The following SLC2A14 variants were observed in gnomAD, a reference collection of about 807,000 sequenced individuals.
The protein encoded by SLC2A14 is solute carrier family 2 member 14, also known as solute carrier family 2, facilitated glucose transporter member 14.
In SLC2A14, 13 loss-of-function variants were observed where a neutral mutation model predicts 43.0. That is an observed-to-expected ratio of 0.30 (90% CI 0.20 to 0.48). SLC2A14 has a LOEUF of 0.48. Ranked by LOEUF, SLC2A14 falls within the 20% of genes least tolerant of loss-of-function variation. The pLI is 0.99. For missense variants in SLC2A14, 428 were observed against 620.4 expected (o/e 0.69, Z 3.29); for synonymous variants, 190 against 233.8 (o/e 0.81, Z 1.71).
At chr12:7,847,111 G>C (rs1866535276) in intron 2 of SLC2A14, among the ~76,000 whole-genome samples, 2 of 151,842 alleles carry the variant, frequency 1.3e-5, no homozygotes, top group Non-Finnish European at 2.9e-5. Context: ...AATTAACCAA[G>C]TGTGGTGGTG....
At position 7,826,861 on chromosome 12, in the gene SLC2A14, T is replaced by TTTTCTTTCTTTC. The variant is rs71038779; in HGVS notation, c.864+622_864+633dup. Among the ~76,000 whole-genome samples the TTTTCTTTCTTTC allele has an allele frequency of 7.0e-3, 423 of 60,302 alleles. 10 individuals are homozygous for TTTTCTTTCTTTC. The highest frequency in any genetic ancestry group is 0.026 in the East Asian group (57 of 2,168). The allele number at this position is 60,302 out of a possible 152,430, so 39.6% of individuals were successfully genotyped here. ...TCCTTCCTTCCTTCCTTCCTTTCTT[T>TTTTCTTTCTTTC]TTTCTTTCTTTCTTTCTTTCTTTCT... On this transcript the variant is annotated intron_variant, in intron 7 of 10. Transcript: ENST00000431042.
chr12:7,855,642 T>C (rs981161636), intron 2 of SLC2A14, among the ~76,000 whole-genome samples: 3 of 152,044 alleles, frequency 2.0e-5, no homozygotes, highest in Non-Finnish European at 2.9e-5. Flanking sequence ...TTTTTCTTTT[T>C]CTTTGTTTTT....
intron 2 of SLC2A14, among the ~76,000 whole-genome samples, chr12:7,836,633 A>G (rs1342127194): frequency 3.3e-5 from 5 of 152,032 alleles, no homozygotes; most frequent in Non-Finnish European, 7.4e-5. Flanking sequence ...CAGGAATTCA[A>G]TACCAGCCTG....
intron 2 of SLC2A14, among the ~76,000 whole-genome samples, chr12:7,855,824 A>G (rs780697547): frequency 1.3e-4 from 20 of 151,320 alleles, no homozygotes; most frequent in Non-Finnish European, 2.1e-4. Flanking sequence ...TTTAGTAGAA[A>G]CGGGGTTTCA....
chr12:7,863,486 G>A (rs1040700813), intron 2 of SLC2A14: 4 of 444,636 alleles, frequency 9.0e-6, no homozygotes, highest in African/African-American at 8.1e-5. Flanking sequence ...AATTAGCTGG[G>A]TGTGCTGGTG....
At chr12:7,873,114 T>A (rs1318327881), upstream of SLC2A14, 6 of 985,410 alleles carry the variant, frequency 6.1e-6, no homozygotes, top group East Asian at 3.4e-4. Context: ...CGGCGGCTGC[T>A]GGGGATCCCT....
rs61995946 is a variant in SLC2A14, at chr12:7,832,728, A to G, written c.105T>C (p.Pro35=). ...FGYNTGVINA[P]ETIIKEFINK... The stretch of plus-strand genomic sequence containing the variant: ...CTTGTGGCCTGGCACTCACCGTCTC[A>G]GGAGCATTGATGACCCCAGTGTTGT... Residue 35 remains proline (P), a synonymous_variant, in exon 3 of 11, where the codon CCT becomes CCC. Coordinates refer to ENST00000431042, the MANE Select transcript of SLC2A14 (RefSeq NM_001286234.2). 813 of 1,614,016 alleles carry G rather than the reference A, an allele frequency of 5.0e-4. 4 individuals carry two copies. The African/African-American group carries it at 9.7e-3, about 19-fold the overall frequency.
chr12:7,831,329 G>A, intron 4 of SLC2A14: 1 of 356,954 alleles, frequency 2.8e-6, no homozygotes, highest in Non-Finnish European at 5.1e-6. Flanking sequence ...CCATAGTTGA[G>A]CTTACTAGGG....
At chr12:7,820,253 T>C (rs1386828876) in intron 8 of SLC2A14, among the ~76,000 whole-genome samples, 1 of 148,832 alleles carries the variant, frequency 6.7e-6, no homozygotes, top group African/African-American at 2.5e-5. Context: ...CATCTGGTTG[T>C]GTATTTCTGT....
At position 7,816,089 on chromosome 12, in the gene SLC2A14, AT is replaced by A. The variant is rs1235925431; in HGVS notation, c.1276-1556del. 1.7e-4 allele frequency among the ~76,000 whole-genome samples: 17 copies of A among 101,074 alleles called. 6 individuals are homozygous for A. Among genetic ancestry groups the A allele is most frequent in the Admixed American group, 5.5e-4 (5 of 9,048 alleles). The allele number at this position is 101,074 out of a possible 152,430, so 66.3% of individuals were successfully genotyped here. ...CTAATTTCTTGAATTTTTATTTTTT[AT>A]TTTTTTTATTTTTTTTATTTTTTTT... On this transcript the variant is annotated intron_variant, in intron 10 of 10. Transcript: ENST00000431042.
intron 2 of SLC2A14, among the ~76,000 whole-genome samples, chr12:7,857,545 G>A (rs916391380): frequency 2.0e-5 from 3 of 152,086 alleles, no homozygotes; most frequent in South Asian, 2.1e-4. Context: ...CCAAGATCGC[G>A]CCATTGCACT....
chr12:7,831,849 C>T, intron 3 of SLC2A14, 85 bp from the exon 4 acceptor site: 1 of 1,551,000 alleles, frequency 6.4e-7, no homozygotes, highest in East Asian at 2.3e-5. Context: ...TGGCTCACGC[C>T]TGTAATCCCA....
At chr12:7,821,586 A>T (rs1323185293) in intron 7 of SLC2A14, among the ~76,000 whole-genome samples, 1 of 152,114 alleles carries the variant, frequency 6.6e-6, no homozygotes, top group African/African-American at 2.4e-5. Flanking sequence ...GGGAGGCCAG[A>T]CAGAACAAGA....
chr12:7,865,313 G>A (rs773744694), intron 2 of SLC2A14, among the ~76,000 whole-genome samples: 2 of 152,160 alleles, frequency 1.3e-5, no homozygotes, highest in Middle Eastern at 3.4e-3. Context: ...CAAGGTGGGC[G>A]GATCACGAGG....
chr12:7,865,021 G>A (rs1944831897), intron 2 of SLC2A14, among the ~76,000 whole-genome samples: 1 of 152,064 alleles, frequency 6.6e-6, no homozygotes. Flanking sequence ...ACAAATTGAA[G>A]GTTTGTGGCA....
intron 1 of SLC2A14, among the ~76,000 whole-genome samples, chr12:7,887,117 G>A (rs1408412020): frequency 6.6e-6 from 1 of 151,806 alleles, no homozygotes; most frequent in Non-Finnish European, 1.5e-5. Flanking sequence ...TCACCATGTT[G>A]GCCAGGCTGG....
chr12:7,857,217 T>C (rs886679983), intron 2 of SLC2A14, among the ~76,000 whole-genome samples: 4 of 151,600 alleles, frequency 2.6e-5, no homozygotes, highest in African/African-American at 9.7e-5. Flanking sequence ...GCTACTATAC[T>C]CCAGCCTGGG....
At chr12:7,873,642 AAAACAAAC>A (rs144363840), upstream of SLC2A14, among the ~76,000 whole-genome samples, 19,632 of 150,824 alleles carry the variant, frequency 0.13, 1,529 homozygotes, top group East Asian at 0.34. Context: ...TCCGTCTCAA[AAAACAAAC>A]AAACAAACAA....
chr12:7,871,869 C>T (rs1945253636), intron 1 of SLC2A14: 1 of 982,924 alleles, frequency 1.0e-6, no homozygotes, highest in Non-Finnish European at 1.2e-6. Flanking sequence ...CAGCGCACAC[C>T]CACCCAGAGC....
Sources: allele counts gnomAD v4.1 joint callset (sites outside exome capture counted in the v4.1 genomes callset), GRCh38; gene constraint gnomAD v4.1.1; transcripts MANE v1.5; gene names NCBI Gene and HGNC (gene_info 2026-07-23, HGNC 2026-07-21).